Variants in NELL2 observed in about 807,000 individuals in gnomAD.
The protein encoded by NELL2 is neural EGFL like 2.
Under a neutral mutation model 109.6 loss-of-function variants are expected in NELL2, and 41 were observed. The observed-to-expected ratio is 0.37, with a 90% CI of 0.29 to 0.49. The LOEUF is 0.49. Ranked by LOEUF, NELL2 falls within the 20% of genes least tolerant of loss-of-function variation. The pLI, the probability that NELL2 is intolerant of heterozygous loss-of-function variation, is 0.98. For synonymous variants in NELL2, 355 were observed against 344.7 expected (o/e 1.03, Z -0.33); for missense variants, 900 against 1,008.3 (o/e 0.89, Z 1.45).
intron 10 of NELL2, 122 bp downstream of exon 10, chr12:44,714,528 T>C: frequency 1.7e-6 from 1 of 576,372 alleles, no homozygotes; most frequent in South Asian, 2.4e-5. Context: ...ATAATTAATA[T>C]TGTGAATTTT....
At chr12:44,679,581 G>A (rs1035719372) in intron 12 of NELL2, among the ~76,000 whole-genome samples, 11 of 152,114 alleles carry the variant, frequency 7.2e-5, no homozygotes, top group African/African-American at 2.2e-4. Context: ...CACAGCCACA[G>A]AACCTTTGTG....
At chr12:44,667,736 T>C (rs555453007) in intron 12 of NELL2, among the ~76,000 whole-genome samples, 1 of 152,216 alleles carries the variant, frequency 6.6e-6, no homozygotes, top group African/African-American at 2.4e-5. Context: ...CTCTGAGGCA[T>C]GGGAGAGAGA....
chr12:44,789,987 C>G (rs867648261), intron 3 of NELL2, among the ~76,000 whole-genome samples: 1 of 151,912 alleles, frequency 6.6e-6, no homozygotes, highest in Non-Finnish European at 1.5e-5. Context: ...TGTTAAATGA[C>G]CAAACCTAAG....
chr12:44,535,962 T>C (rs1942276941), intron 15 of NELL2, among the ~76,000 whole-genome samples: 1 of 151,944 alleles, frequency 6.6e-6, no homozygotes, highest in Non-Finnish European at 1.5e-5. Flanking sequence ...GATTATATAC[T>C]TGCTATCATT....
chr12:44,530,866 C>T (rs939636174), intron 16 of NELL2, among the ~76,000 whole-genome samples: 9 of 152,284 alleles, frequency 5.9e-5, no homozygotes, highest in East Asian at 5.8e-4. Context: ...GACCCTGAAC[C>T]GGAGCCACCC....
chr12:44,518,273 C>T (rs534631260), intron 19 of NELL2, among the ~76,000 whole-genome samples: 12 of 148,350 alleles, frequency 8.1e-5, no homozygotes, highest in African/African-American at 3.0e-4. Context: ...GAGATGGAGT[C>T]TCGCTCTGTT....
At chr12:44,671,329 A>C (rs1948131446) in intron 12 of NELL2, among the ~76,000 whole-genome samples, 2 of 152,208 alleles carry the variant, frequency 1.3e-5, no homozygotes, top group South Asian at 4.1e-4. Context: ...AAATGCCTAC[A>C]TCAAAAAGTA....
chr12:44,665,380 G>T (rs1947887180), intron 13 of NELL2, 104 bp downstream of exon 13: 4 of 935,080 alleles, frequency 4.3e-6, no homozygotes, highest in African/African-American at 3.3e-5. Flanking sequence ...CTAATGTTTT[G>T]TTGTATTTAT....
At chr12:44,738,521 C>A (rs1939772013) in intron 9 of NELL2, among the ~76,000 whole-genome samples, 1 of 150,314 alleles carries the variant, frequency 6.7e-6, no homozygotes, top group African/African-American at 2.4e-5. Context: ...GATGGATGAA[C>A]CTGGAGGACA....
At chr12:44,665,155 T>C (rs916961241) in intron 13 of NELL2, among the ~76,000 whole-genome samples, 1 of 152,112 alleles carries the variant, frequency 6.6e-6, no homozygotes, top group East Asian at 1.9e-4. Context: ...TTCAAAAATC[T>C]ATCATCATAT....
At chr12:44,619,443 G>A (rs1945962507) in intron 13 of NELL2, among the ~76,000 whole-genome samples, 1 of 148,346 alleles carries the variant, frequency 6.7e-6, no homozygotes, top group African/African-American at 2.5e-5. Context: ...GTGTAGATGA[G>A]GAGAGATTAA....
At chr12:44,900,743 C>T (rs957132278) in intron 1 of NELL2, among the ~76,000 whole-genome samples, 1 of 151,894 alleles carries the variant, frequency 6.6e-6, no homozygotes, top group Admixed American at 6.6e-5. Flanking sequence ...AGCTAGCAAA[C>T]ACTTTGGGAG....
At chr12:44,707,333 T>C (rs1456455373) in intron 11 of NELL2, among the ~76,000 whole-genome samples, 6 of 152,114 alleles carry the variant, frequency 3.9e-5, no homozygotes, top group African/African-American at 1.4e-4. Flanking sequence ...TTCCACCTAC[T>C]TGAATGGCAT....
chr12:44,748,299 C>A (rs1566303182), intron 9 of NELL2, among the ~76,000 whole-genome samples: 2 of 152,112 alleles, frequency 1.3e-5, no homozygotes, highest in Non-Finnish European at 2.9e-5. Context: ...ACAACAACAA[C>A]AAAATTTCAG....
At chr12:44,859,402 A>ATT (rs1435690567) in intron 2 of NELL2, among the ~76,000 whole-genome samples, 3 of 152,186 alleles carry the variant, frequency 2.0e-5, no homozygotes, top group African/African-American at 7.2e-5. Flanking sequence ...TTAGCTGGGC[A>ATT]TAACGGCAGG....
intron 2 of NELL2, among the ~76,000 whole-genome samples, chr12:44,830,899 C>T (rs940497534): frequency 6.6e-6 from 1 of 151,986 alleles, no homozygotes; most frequent in African/African-American, 2.4e-5. Flanking sequence ...CTCCCTCTCT[C>T]TCTGTTGTCC....
At chr12:44,793,732 G>A (rs1441034447) in intron 3 of NELL2, among the ~76,000 whole-genome samples, 1 of 151,270 alleles carries the variant, frequency 6.6e-6, no homozygotes, top group African/African-American at 2.5e-5. Flanking sequence ...TATAAAAGAC[G>A]TGTACCTGAC....
At chr12:44,871,241 A>T (rs1352091388) in intron 2 of NELL2, among the ~76,000 whole-genome samples, 1 of 152,176 alleles carries the variant, frequency 6.6e-6, no homozygotes, top group African/African-American at 2.4e-5. Flanking sequence ...TAAAATATAG[A>T]TTCCCATTAT....
chr12:44,854,684 G>A (rs12302858), intron 2 of NELL2, among the ~76,000 whole-genome samples: 10,806 of 140,526 alleles, frequency 0.077, 748 homozygotes, highest in East Asian at 0.32. Flanking sequence ...GGATGGATGG[G>A]TGGATGGATG....
Sources: allele counts gnomAD v4.1 joint callset (sites outside exome capture counted in the v4.1 genomes callset), GRCh38; gene constraint gnomAD v4.1.1; transcripts MANE v1.5; gene names NCBI Gene and HGNC (gene_info 2026-07-23, HGNC 2026-07-21).